MAU2: variants seen among roughly 807,000 people sequenced by gnomAD.
MAU2 encodes MAU2 chromatid cohesion factor homolog.
In MAU2, 9 loss-of-function variants were observed where a neutral mutation model predicts 89.1. The ratio of observed to expected loss-of-function variants is 0.10; its 90% CI spans 0.06 to 0.18. The LOEUF is 0.18. MAU2 is among the 10% of genes least tolerant of loss of function. The pLI is 1.00. For missense variants in MAU2, 425 were observed against 803.5 expected, an observed-to-expected ratio of 0.53 and a Z score of 5.69; for synonymous variants, 357 against 343.4, an observed-to-expected ratio of 1.04 and a Z score of -0.44.
chr19:19,329,652 GT>G (rs1405555260), intron 1 of MAU2, among the ~76,000 whole-genome samples: 1 of 152,084 alleles, frequency 6.6e-6, no homozygotes, highest in Non-Finnish European at 1.5e-5. Flanking sequence ...TCCCAGAGGT[GT>G]TGCAAGCAAT....
At position 19,329,129 on chromosome 19, in the gene MAU2, A is replaced by G. The variant is rs1029490188; in HGVS notation, c.277-6589A>G. The G allele has an allele frequency of 1.1e-5, 5 of 456,034 alleles. No individual in the cohort carries two copies. In the East Asian group the frequency reaches 3.5e-4, roughly 32 times the overall value. The allele number at this position is 456,034 out of a possible 1,614,324, so 28.2% of individuals were successfully genotyped here. On this transcript the variant is annotated intron_variant, in intron 1 of 18. Coordinates refer to ENST00000262815, the MANE Select transcript of MAU2 (RefSeq NM_015329.4). ...TTTTCTCTTAAGACCCAACAGGGCT[A>G]GGTTCTGAGCCTCTCCTCATCAGGC...
chr19:19,321,174 T>C (rs1378010381), intron 1 of MAU2, 39 bp downstream of exon 1: 1 of 1,541,950 alleles, frequency 6.5e-7, no homozygotes, highest in Non-Finnish European at 8.7e-7. Context: ...AGTCGCGGGC[T>C]CCTTGCAAGA....
Position 19,336,202 on chromosome 19 carries a change from A to G in MAU2, c.360+15A>G, listed in dbSNP as rs1481229114. The G allele has an allele frequency of 8.8e-6, 14 of 1,599,458 alleles. No individual in the cohort carries two copies. Among genetic ancestry groups the G allele is most frequent in the Non-Finnish European group, 1.2e-5 (14 of 1,167,448 alleles). On this transcript the variant is annotated intron_variant, in intron 3 of 18. Coordinates refer to ENST00000262815, the MANE Select transcript of MAU2 (RefSeq NM_015329.4). ...ACTGTCAAGAGGTAAGAACATATTAAGGTTTCTGAAAGCAAAGTGTCTCTC... is the reference window on the plus strand; with the variant it reads ...ACTGTCAAGAGGTAAGAACATATTAGGGTTTCTGAAAGCAAAGTGTCTCTC...
rs531256969 is a variant in MAU2, at chr19:19,345,604, G to A, written c.1221+235G>A. Among the ~76,000 whole-genome samples the A allele has an allele frequency of 9.7e-4, 148 of 152,326 alleles. 1 individual carries two copies. Among genetic ancestry groups the A allele is most frequent in the African/African-American group, 3.3e-3 (139 of 41,570 alleles). ...TGAGCTGACCCAAGGGCAGACGTGA[G>A]GGAGAGGTGCGACGCGTCCGGGGAC... On this transcript the variant is annotated intron_variant, in intron 12 of 18. Coordinates refer to ENST00000262815, the MANE Select transcript of MAU2 (RefSeq NM_015329.4). This position sits in a 1 kb window ranked among gnomAD's most constrained non-coding sequence, Gnocchi z 4.9.
In MAU2 at chr19:19,345,412, T is replaced by C; in HGVS notation, c.1221+43T>C. ...CTTGCTGCTCGGGGCGGGCCACACT[T>C]CTGAGTAAGGAGTCGGGCGTGGTCT... On this transcript the variant is annotated intron_variant, in intron 12 of 18. Coordinates refer to ENST00000262815, the MANE Select transcript of MAU2 (RefSeq NM_015329.4). The surrounding 1 kb of genome is among the most constrained non-coding windows in gnomAD (Gnocchi z 4.9). The C allele has an allele frequency of 1.9e-6, 3 of 1,593,960 alleles. No individual in the cohort carries two copies. The African/African-American group carries it at 4.0e-5, about 21-fold the overall frequency.
At chr19:19,354,323 C>T (rs563868266) in intron 16 of MAU2, 32 bp from the exon 17 acceptor site, 7 of 1,580,054 alleles carry the variant, frequency 4.4e-6, no homozygotes, top group Admixed American at 3.3e-5. Context: ...GGTCCAGGCT[C>T]CTCACTCCCC....
At chr19:19,322,389 A>G (rs2061468015) in intron 1 of MAU2, among the ~76,000 whole-genome samples, 1 of 152,180 alleles carries the variant, frequency 6.6e-6, no homozygotes, top group African/African-American at 2.4e-5. Context: ...ACTAGACCCC[A>G]GGAGTTTGAG....
intron 4 of MAU2, among the ~76,000 whole-genome samples, chr19:19,337,517 C>T (rs559305154): frequency 1.3e-4 from 20 of 152,368 alleles, no homozygotes; most frequent in African/African-American, 4.6e-4. Flanking sequence ...GAGTGCGGGG[C>T]TTCCCCGGGG....
chr19:19,337,781 C>A (rs773744878), intron 4 of MAU2, among the ~76,000 whole-genome samples: 3 of 152,176 alleles, frequency 2.0e-5, no homozygotes, highest in Non-Finnish European at 4.4e-5. Flanking sequence ...ACACCCTCAT[C>A]CTGGGATCCA....
At chr19:19,324,916 T>C (rs536846904) in intron 1 of MAU2, among the ~76,000 whole-genome samples, 1 of 152,370 alleles carries the variant, frequency 6.6e-6, no homozygotes, top group South Asian at 2.1e-4. Flanking sequence ...CTTCATTCTT[T>C]ATTAATTGTG....
At chr19:19,348,326 T>A in intron 13 of MAU2, 1 of 183,630 alleles carries the variant, frequency 5.4e-6, no homozygotes, top group Non-Finnish European at 1.2e-5. Flanking sequence ...ATCCAGCCAC[T>A]GCACTCCAGC....
intron 9 of MAU2, among the ~76,000 whole-genome samples, chr19:19,343,297 A>G (rs1469716966): frequency 6.6e-6 from 1 of 152,192 alleles, no homozygotes; most frequent in African/African-American, 2.4e-5. Flanking sequence ...CCCAGAGCAG[A>G]CGTCCCTGGC....
At chr19:19,343,801 C>G in intron 9 of MAU2, 36 bp from the exon 10 acceptor site, 1 of 1,537,948 alleles carries the variant, frequency 6.5e-7, no homozygotes, top group Non-Finnish European at 9.0e-7. Context: ...CTCCTCTGGC[C>G]TCCCCTGCAT....
At chr19:19,329,200 T>TGCTAAATTCCGTGTCCC (rs372803876) in intron 1 of MAU2, 4 of 444,582 alleles carry the variant, frequency 9.0e-6, no homozygotes, top group African/African-American at 6.0e-5. Flanking sequence ...AACTGTGTCC[T>TGCTAAATTCCGTGTCCC]GCTAAATTCC....
intron 1 of MAU2, among the ~76,000 whole-genome samples, chr19:19,323,337 G>A (rs568641841): frequency 8.6e-5 from 13 of 152,046 alleles, no homozygotes; most frequent in South Asian, 2.1e-4. Context: ...TGGGATTACA[G>A]GCTTGCACCA....
At position 19,340,870 on chromosome 19, in the gene MAU2, G is replaced by A; in HGVS notation, c.576G>A (p.Gly192=). 1.9e-6 allele frequency: 3 copies of A among 1,613,490 alleles called. No individual in the cohort carries two copies. The highest frequency in any genetic ancestry group is 2.5e-6 in the Non-Finnish European group (3 of 1,179,910). The part of the protein sequence containing the change: ...YTRALFLLSK[G]MLLLMERKLQ... ...GGGCGCTGTTCCTCCTCAGCAAGGG[G>A]ATGGTAAGTTGAGGCTGGGCATGGC... Residue 192 remains glycine, a synonymous_variant, in exon 6 of 19, where the codon GGG becomes GGA. Transcript: ENST00000262815.
In MAU2 at chr19:19,355,888, T is replaced by G; in HGVS notation, c.*106T>G. On this transcript the variant is annotated 3_prime_UTR_variant, in exon 19 of 19. Coordinates refer to ENST00000262815, the MANE Select transcript of MAU2 (RefSeq NM_015329.4). ...GGCGTGCTTCCTTCCTGATTGTCTCTAGAGCTTCCAAGTCCTGGGAATGTG... is the reference window on the plus strand; with the variant it reads ...GGCGTGCTTCCTTCCTGATTGTCTCGAGAGCTTCCAAGTCCTGGGAATGTG... 9.1e-7 allele frequency: 1 copy of G among 1,102,328 alleles called. No homozygotes were observed. Among genetic ancestry groups the G allele is most frequent in the South Asian group, 1.2e-5 (1 of 80,042 alleles). The allele number at this position is 1,102,328 out of a possible 1,614,324, so 68.3% of individuals were successfully genotyped here. A position where few individuals can be genotyped will look rare whatever the true frequency, so the allele number is the denominator to read the frequency against.
At chr19:19,331,852 C>G (rs2061558049) in intron 1 of MAU2, among the ~76,000 whole-genome samples, 1 of 152,358 alleles carries the variant, frequency 6.6e-6, no homozygotes, top group East Asian at 1.9e-4. Flanking sequence ...ACACCAGGCC[C>G]ATACTGCCCT....
Position 19,355,401 on chromosome 19 carries a change from T to C in MAU2, c.1767+10T>C. On this transcript the variant is annotated intron_variant, in intron 18 of 18. Coordinates refer to ENST00000262815, the MANE Select transcript of MAU2 (RefSeq NM_015329.4). ...ACACAACCTCATCACGGTACGGGTG[T>C]GGGTGTTAGGGGACGGGATCAGGAC... 3 of 1,613,590 alleles carry C rather than the reference T, an allele frequency of 1.9e-6. No homozygotes were observed. Among genetic ancestry groups the C allele is most frequent in the Non-Finnish European group, 2.5e-6 (3 of 1,179,892 alleles).
Sources: gnomAD v4.1 joint callset for allele counts (sites outside exome capture counted in the v4.1 genomes callset) on GRCh38, gnomAD v4.1.1 for gene constraint, Gnocchi (gnomAD v3.1) non-coding constraint, MANE v1.5 for transcripts, NCBI Gene and HGNC (gene_info 2026-07-23, HGNC 2026-07-21) for gene names.